The following SCG3 variants were observed in gnomAD, a reference collection of about 807,000 sequenced individuals.
The protein encoded by SCG3 is secretogranin-3.
A neutral mutation model predicts 56.2 loss-of-function variants in SCG3; 38 were observed. The ratio of observed to expected loss-of-function variants is 0.68; its 90% CI spans 0.52 to 0.89. The LOEUF (loss-of-function observed/expected upper bound fraction) is 0.89. Among genes scored for constraint, SCG3 ranks in the 40% least tolerant of loss-of-function variants. SCG3 has a pLI of 0.00. For missense variants in SCG3, 524 were observed against 540.7 expected, an observed-to-expected ratio of 0.97 and a Z score of 0.31; for synonymous variants, 176 against 184.2, an observed-to-expected ratio of 0.96 and a Z score of 0.36.
At chr15:51,711,133 G>A (rs2055417927) in intron 10 of SCG3, among the ~76,000 whole-genome samples, 1 of 152,208 alleles carries the variant, frequency 6.6e-6, no homozygotes, top group Non-Finnish European at 1.5e-5. Flanking sequence ...ACATGCCTAA[G>A]GAACAAGGAA....
chr15:51,713,120 G>C, intron 10 of SCG3: 1 of 355,870 alleles, frequency 2.8e-6, no homozygotes, highest in Non-Finnish European at 5.1e-6. Context: ...CTTCCTCCTG[G>C]AACCTCATCC....
chr15:51,695,954 T>C lies in SCG3; in HGVS notation c.948T>C (p.Tyr316=), dbSNP rs145270439. The change falls in exon 8 of 12, where the codon TAT becomes TAC. Residue 316 remains tyrosine, a synonymous_variant. Coordinates refer to ENST00000220478, the MANE Select transcript of SCG3 (RefSeq NM_013243.4). ...LIDFVKMMVK[Y]GTISPEEGVS... Reference sequence around the variant, plus strand: ...ACTTTGTGAAGATGATGGTGAAATATGGAACAATATCTCCAGAAGAAGGTG... The same window carrying C: ...ACTTTGTGAAGATGATGGTGAAATACGGAACAATATCTCCAGAAGAAGGTG... The C allele has an allele frequency of 2.5e-3, 4,060 of 1,604,336 alleles. 10 individuals carry two copies. The highest frequency in any genetic ancestry group is 2.9e-3 in the Non-Finnish European group (3,420 of 1,171,302).
intron 5 of SCG3, 103 bp from the exon 6 acceptor site, chr15:51,689,116 C>A: frequency 8.0e-7 from 1 of 1,253,374 alleles, no homozygotes; most frequent in South Asian, 1.4e-5. Context: ...TCAGAAGATT[C>A]CTCTTTAAAA....
chr15:51,701,712 C>G (rs145499684), intron 10 of SCG3, among the ~76,000 whole-genome samples: 1,619 of 152,218 alleles, frequency 0.011, 30 homozygotes, highest in African/African-American at 0.037. Context: ...TTGAGACCAG[C>G]CTGGGCAACA....
At chr15:51,686,662 CAGG>C (rs1431791315) in intron 4 of SCG3, among the ~76,000 whole-genome samples, 1 of 142,780 alleles carries the variant, frequency 7.0e-6, no homozygotes, top group Non-Finnish European at 1.5e-5. Flanking sequence ...TTCAGCCAGC[CAGG>C]AGGAGAACTG....
intron 7 of SCG3, among the ~76,000 whole-genome samples, chr15:51,694,448 T>C (rs1402700189): frequency 6.6e-6 from 1 of 151,866 alleles, no homozygotes; most frequent in East Asian, 1.9e-4. Flanking sequence ...AGATTCCAAA[T>C]CCCCACCAGT....
chr15:51,706,442 T>C (rs1595838138), intron 10 of SCG3, among the ~76,000 whole-genome samples: 2 of 152,106 alleles, frequency 1.3e-5, no homozygotes, highest in South Asian at 2.1e-4. Context: ...CAGACATAGA[T>C]AGAACAGGAT....
intron 4 of SCG3, among the ~76,000 whole-genome samples, chr15:51,684,443 G>C (rs1595826954): frequency 6.6e-6 from 1 of 152,176 alleles, no homozygotes; most frequent in Non-Finnish European, 1.5e-5. Context: ...CAGGAGTGGT[G>C]GTGGGCACCT....
Position 51,681,582 on chromosome 15 carries a change from T to C in SCG3, c.-174T>C, listed in dbSNP as rs764881347. On this transcript the variant is annotated 5_prime_UTR_variant, in exon 1 of 12. Coordinates refer to ENST00000220478, the MANE Select transcript of SCG3 (RefSeq NM_013243.4). ...GACTCCCGCGCGCCCCAACCCTGCT[T>C]ATCCCTTGACCGTCGAGTGTCAGAG... is the stretch of plus-strand genomic sequence containing the variant. 4.9e-6 allele frequency: 3 copies of C among 609,660 alleles called. No individual in the cohort carries two copies. Among genetic ancestry groups the C allele is most frequent in the Non-Finnish European group, 8.8e-6 (3 of 340,232 alleles). The allele number at this position is 609,660 out of a possible 1,614,324, so 37.8% of individuals were successfully genotyped here.
At chr15:51,701,051 A>T in intron 9 of SCG3, 56 bp from the exon 10 acceptor site, 1 of 1,594,192 alleles carries the variant, frequency 6.3e-7, no homozygotes, top group Non-Finnish European at 8.5e-7. Flanking sequence ...CTACTTTAGG[A>T]ACCAATTAAT....
At position 51,688,377 on chromosome 15, in the gene SCG3, T is replaced by C. The variant is rs1209025602; in HGVS notation, c.515T>C (p.Val172Ala). The C allele has an allele frequency of 6.2e-7, 1 of 1,613,788 alleles. No homozygotes were observed. The highest frequency in any genetic ancestry group is 8.5e-7 in the Non-Finnish European group (1 of 1,179,762). ...ENDRAVFDKI[V>A]SKLLNLGLIT... is the part of the protein sequence containing the mutation. ...GACAGAGCCGTGTTTGACAAGATTG[T>C]TTCTAAACTACTTAATCTCGGCCTT... The change falls in exon 5 of 12, where the codon GTT (valine) becomes GCT (alanine). Residue 172 changes from valine (V) to alanine (A), a missense_variant. Physicochemically the swap from Val to Ala is moderately conservative, Grantham distance 64. Coordinates refer to ENST00000220478, the MANE Select transcript of SCG3 (RefSeq NM_013243.4).
At chr15:51,718,903 C>G (rs190968197) in intron 11 of SCG3, among the ~76,000 whole-genome samples, 1 of 152,224 alleles carries the variant, frequency 6.6e-6, no homozygotes, top group African/African-American at 2.4e-5. Flanking sequence ...GTCAGGAAGT[C>G]AGGAAGTCAG....
intron 6 of SCG3, among the ~76,000 whole-genome samples, chr15:51,691,105 C>T (rs1258030427): frequency 1.3e-5 from 2 of 152,030 alleles, no homozygotes; most frequent in Admixed American, 6.6e-5. Flanking sequence ...AGCTGAGAAC[C>T]GAAGATCAAA....
chr15:51,691,266 C>A (rs375075691), intron 6 of SCG3, among the ~76,000 whole-genome samples: 1 of 152,156 alleles, frequency 6.6e-6, no homozygotes, highest in South Asian at 2.1e-4. Flanking sequence ...GACCATGCAG[C>A]GCCTTATGAG....
chr15:51,691,746 T>C (rs1209580771), intron 6 of SCG3, among the ~76,000 whole-genome samples: 2 of 152,192 alleles, frequency 1.3e-5, no homozygotes, highest in Non-Finnish European at 2.9e-5. Context: ...CTGCTAGGGA[T>C]AGACATTCTA....
intron 10 of SCG3, among the ~76,000 whole-genome samples, chr15:51,706,417 C>T (rs913050625): frequency 3.3e-5 from 5 of 152,142 alleles, no homozygotes; most frequent in South Asian, 2.1e-4. Flanking sequence ...ACACATATCC[C>T]GCTTGTTGAT....
At chr15:51,683,025 G>C (rs1595826120) in intron 2 of SCG3, 54 bp from the exon 3 acceptor site, 1 of 1,401,018 alleles carries the variant, frequency 7.1e-7, no homozygotes, top group East Asian at 2.3e-5. Context: ...CTTGTACTTG[G>C]TAAGTAGTGG....
intron 1 of SCG3, 60 bp from the exon 2 acceptor site, chr15:51,682,455 TAA>T (rs2055200820): frequency 2.4e-6 from 2 of 819,538 alleles, no homozygotes; most frequent in African/African-American, 1.8e-5. Context: ...TTTTATTTAA[TAA>T]GAGGCATATT....
At chr15:51,691,499 T>C (rs1333187957) in intron 6 of SCG3, among the ~76,000 whole-genome samples, 1 of 152,110 alleles carries the variant, frequency 6.6e-6, no homozygotes, top group African/African-American at 2.4e-5. Context: ...GGGAGAAATG[T>C]GCAAATTTGG....
Sources: allele counts gnomAD v4.1 joint callset (sites outside exome capture counted in the v4.1 genomes callset), GRCh38; gene constraint gnomAD v4.1.1; transcripts MANE v1.5; gene names NCBI Gene and HGNC (gene_info 2026-07-23, HGNC 2026-07-21).